Variants in PARP8 observed in about 807,000 individuals in gnomAD.
PARP8 encodes protein mono-ADP-ribosyltransferase PARP8.
In PARP8, 51 loss-of-function variants were observed where a neutral mutation model predicts 124.1. The ratio of observed to expected loss-of-function variants is 0.41; its 90% CI spans 0.33 to 0.52. The LOEUF (loss-of-function observed/expected upper bound fraction) is 0.52, where lower values mean the gene tolerates loss of function less well. Among genes scored for constraint, PARP8 ranks in the 20% least tolerant of loss-of-function variants. The pLI, the probability that PARP8 is intolerant of heterozygous loss-of-function variation, is 0.21. For synonymous variants in PARP8, 391 were observed against 361.5 expected, an observed-to-expected ratio of 1.08 and a Z score of -0.93; for missense variants, 860 against 1,018.9, an observed-to-expected ratio of 0.84 and a Z score of 2.12.
chr5:50,738,743 A>G (rs1214189669), intron 2 of PARP8, among the ~76,000 whole-genome samples: 1 of 152,060 alleles, frequency 6.6e-6, no homozygotes, highest in African/African-American at 2.4e-5. Context: ...GAAAATAGCA[A>G]AAAAACCTCA....
Position 50,675,730 on chromosome 5 carries a change from A to G in PARP8, c.146+7605A>G, listed in dbSNP as rs541395286. Among the ~76,000 whole-genome samples, 11 of 152,330 alleles carry G rather than the reference A, an allele frequency of 7.2e-5. No individual in the cohort carries two copies. The South Asian group carries it at 2.3e-3, about 32-fold the overall frequency. ...AGGCTGATTAATATAATTAGTTTACATTTGTTAGCCTTTCACATCTGTGAA... is the reference window on the plus strand; with the variant it reads ...AGGCTGATTAATATAATTAGTTTACGTTTGTTAGCCTTTCACATCTGTGAA... On this transcript the variant is annotated intron_variant, in intron 2 of 25. Transcript: ENST00000281631.
At chr5:50,763,918 T>C (rs755625527) in intron 7 of PARP8, among the ~76,000 whole-genome samples, 22 of 152,216 alleles carry the variant, frequency 1.4e-4, no homozygotes, top group Non-Finnish European at 3.2e-4. Context: ...CAGACCCCTT[T>C]CGTAGCCTGA....
At chr5:50,834,185 T>A in intron 24 of PARP8, 137 bp downstream of exon 24, 7 of 677,510 alleles carry the variant, frequency 1.0e-5, no homozygotes, top group Middle Eastern at 4.4e-4. Flanking sequence ...AGGGCACAAA[T>A]GCAAAAACGG....
chr5:50,829,701 T>C (rs1746734374), intron 21 of PARP8, among the ~76,000 whole-genome samples, 191 bp from the exon 22 acceptor site: 1 of 152,212 alleles, frequency 6.6e-6, no homozygotes, highest in Admixed American at 6.5e-5. Context: ...TTATCAAGAA[T>C]ATTTTTCCTC....
At chr5:50,753,611 A>G (rs1043689714) in intron 3 of PARP8, among the ~76,000 whole-genome samples, 2 of 152,088 alleles carry the variant, frequency 1.3e-5, no homozygotes, top group African/African-American at 2.4e-5. Context: ...TAGTTAGTTA[A>G]TTAATAGTAT....
intron 2 of PARP8, among the ~76,000 whole-genome samples, chr5:50,687,438 T>C (rs1471615978): frequency 2.0e-5 from 3 of 152,180 alleles, no homozygotes; most frequent in Admixed American, 6.5e-5. Flanking sequence ...TTTTTCTGTC[T>C]TCTGAGCCCT....
chr5:50,715,463 G>C (rs1374356017), intron 2 of PARP8, among the ~76,000 whole-genome samples: 1 of 151,558 alleles, frequency 6.6e-6, no homozygotes, highest in African/African-American at 2.4e-5. Flanking sequence ...TATACTTTTT[G>C]TGGGGGGTTG....
At chr5:50,672,199 A>G (rs1208412378) in intron 2 of PARP8, among the ~76,000 whole-genome samples, 2 of 152,236 alleles carry the variant, frequency 1.3e-5, no homozygotes, top group African/African-American at 4.8e-5. Flanking sequence ...CGTCTGTATG[A>G]TTCTGCTAGG....
intron 18 of PARP8, 47 bp downstream of exon 18, chr5:50,825,022 A>T: frequency 2.0e-6 from 3 of 1,464,980 alleles, no homozygotes; most frequent in Non-Finnish European, 2.9e-6. Context: ...ATCCTTTTCT[A>T]CTGCTTGATT....
intron 2 of PARP8, among the ~76,000 whole-genome samples, chr5:50,730,209 TTTAG>T (rs532595511): frequency 7.2e-5 from 11 of 152,004 alleles, no homozygotes; most frequent in Non-Finnish European, 1.3e-4. Context: ...TGTCAATTTT[TTTAG>T]TTAATCTGTA....
At chr5:50,755,891 C>T (rs533099160) in intron 3 of PARP8, among the ~76,000 whole-genome samples, 119 of 152,148 alleles carry the variant, frequency 7.8e-4, no homozygotes, top group Middle Eastern at 3.4e-3. Context: ...TGAAGAGGTC[C>T]TTCACATCCC....
At chr5:50,694,163 C>T (rs1256765243) in intron 2 of PARP8, among the ~76,000 whole-genome samples, 1 of 152,114 alleles carries the variant, frequency 6.6e-6, no homozygotes, top group East Asian at 1.9e-4. Context: ...TATTTTTGCA[C>T]TTGTCTATTT....
At chr5:50,754,680 A>G (rs376430496) in intron 3 of PARP8, among the ~76,000 whole-genome samples, 1 of 152,132 alleles carries the variant, frequency 6.6e-6, no homozygotes, top group Non-Finnish European at 1.5e-5. Flanking sequence ...ATGATTTATA[A>G]TCCTTTGGGT....
chr5:50,668,022 A>G (rs759563576), intron 1 of PARP8, 49 bp from the exon 2 acceptor site: 1 of 1,611,370 alleles, frequency 6.2e-7, no homozygotes, highest in East Asian at 2.2e-5. Flanking sequence ...GATCGGGGTT[A>G]AAACAAATCC....
chr5:50,738,930 T>C (rs1757747690), intron 2 of PARP8: 3 of 701,008 alleles, frequency 4.3e-6, no homozygotes, highest in Non-Finnish European at 7.8e-6. Context: ...ACATCAGGGC[T>C]CTGCCTCTGT....
chr5:50,833,857 T>A (rs1747263858), intron 23 of PARP8, 122 bp from the exon 24 acceptor site: 1 of 676,552 alleles, frequency 1.5e-6, no homozygotes, highest in Non-Finnish European at 2.6e-6. Flanking sequence ...GATGCTAGTC[T>A]AGATAGGCTT....
intron 21 of PARP8, among the ~76,000 whole-genome samples, chr5:50,828,900 GA>G (rs895061903): frequency 2.1e-4 from 31 of 148,504 alleles, no homozygotes; most frequent in African/African-American, 7.2e-4. Context: ...AACAAAAAAA[GA>G]AAAAAAAAGA....
rs1453149010 is a variant in PARP8 at position 50,761,911 on chromosome 5, G to C, written c.423+13G>C. On this transcript the variant is annotated intron_variant, in intron 6 of 25. Transcript: ENST00000281631. Reference sequence around the variant, plus strand: ...TTACGGAGGGCAGGTAAGGAAACCTGGTCTTCCAAATACCTAGTCTTAAAG... The same window carrying C: ...TTACGGAGGGCAGGTAAGGAAACCTCGTCTTCCAAATACCTAGTCTTAAAG... The C allele has an allele frequency of 7.1e-6, 11 of 1,544,784 alleles. No homozygotes were observed. Among genetic ancestry groups the C allele is most frequent in the Non-Finnish European group, 8.0e-6 (9 of 1,123,580 alleles).
At chr5:50,690,425 T>C (rs1752370033) in intron 2 of PARP8, among the ~76,000 whole-genome samples, 1 of 152,206 alleles carries the variant, frequency 6.6e-6, no homozygotes, top group South Asian at 2.1e-4. Flanking sequence ...TTTAAAGTTC[T>C]ATTTTGCTGT....
Sources: gnomAD v4.1 joint callset for allele counts (sites outside exome capture counted in the v4.1 genomes callset) on GRCh38, gnomAD v4.1.1 for gene constraint, MANE v1.5 for transcripts, NCBI Gene and HGNC (gene_info 2026-07-23, HGNC 2026-07-21) for gene names.